CDK14: variants seen among roughly 807,000 people sequenced by gnomAD.
CDK14 encodes cyclin dependent kinase 14, also known as cyclin-dependent kinase 14.
A neutral mutation model predicts 60.7 loss-of-function variants in CDK14; 34 were observed. The ratio of observed to expected loss-of-function variants is 0.56; its 90% CI spans 0.43 to 0.75. The LOEUF is 0.75. Ranked by LOEUF, CDK14 falls within the 30% of genes least tolerant of loss-of-function variation. CDK14 has a pLI of 0.00. For synonymous variants in CDK14, 197 were observed against 203.7 expected (o/e 0.97, Z 0.28); for missense variants, 482 against 564.1 (o/e 0.85, Z 1.47).
rs1158876265 is a variant in CDK14, at chr7:90,710,108, A to G, written c.124-16459A>G. 1.0e-5 allele frequency: 10 copies of G among 976,334 alleles called. No homozygotes were observed. In the East Asian group the frequency reaches 4.6e-4, roughly 44 times the overall value. The allele number at this position is 976,334 out of a possible 1,614,324, so 60.5% of individuals were successfully genotyped here. A position where few individuals can be genotyped will look rare whatever the true frequency, so the allele number is the denominator to read the frequency against. On this transcript the variant is annotated intron_variant, in intron 2 of 14. Coordinates refer to ENST00000380050, the MANE Select transcript of CDK14 (RefSeq NM_001287135.2). The stretch of plus-strand genomic sequence containing the variant: ...TTCCTTCTATTTAACTGCCAGAAAC[A>G]TCACAGATTGATAAAGGGGGTATTT...
At chr7:90,646,163 T>A (rs1164010052) in intron 2 of CDK14, among the ~76,000 whole-genome samples, 3 of 152,198 alleles carry the variant, frequency 2.0e-5, no homozygotes, top group Admixed American at 2.0e-4. Flanking sequence ...ATTTCTTGAT[T>A]CACAAAGCTT....
intron 2 of CDK14, among the ~76,000 whole-genome samples, chr7:90,699,565 G>A (rs976632478): frequency 6.6e-6 from 1 of 152,100 alleles, no homozygotes; most frequent in African/African-American, 2.4e-5. Flanking sequence ...CTGACTTTAT[G>A]TTGAAGTTAG....
At chr7:91,019,798 C>T (rs1490434887) in intron 10 of CDK14, among the ~76,000 whole-genome samples, 2 of 152,134 alleles carry the variant, frequency 1.3e-5, no homozygotes, top group East Asian at 3.8e-4. Flanking sequence ...GGGCTTTCTT[C>T]CCCCAGAATG....
At chr7:90,633,050 T>G (rs537176898) in intron 2 of CDK14, among the ~76,000 whole-genome samples, 1 of 150,806 alleles carries the variant, frequency 6.6e-6, no homozygotes, top group African/African-American at 2.4e-5. Flanking sequence ...AAGCCGAGAC[T>G]GTGCTACTAC....
intron 9 of CDK14, among the ~76,000 whole-genome samples, chr7:90,978,752 A>G (rs556281959): frequency 3.0e-4 from 45 of 152,274 alleles, no homozygotes; most frequent in Admixed American, 2.7e-3. Flanking sequence ...AATATCTTCA[A>G]TCAAGTTTAG....
At chr7:90,895,198 G>A (rs533614017) in intron 6 of CDK14, among the ~76,000 whole-genome samples, 1 of 151,914 alleles carries the variant, frequency 6.6e-6, no homozygotes, top group African/African-American at 2.4e-5. Flanking sequence ...TGTAACTTAT[G>A]TTTTATTTAG....
intron 5 of CDK14, among the ~76,000 whole-genome samples, chr7:90,828,445 C>T (rs1024518747): frequency 1.3e-5 from 2 of 152,212 alleles, no homozygotes; most frequent in Admixed American, 1.3e-4. Context: ...AATCTGCATT[C>T]TTCTGAATCG....
At chr7:91,096,321 A>G (rs2116295262) in intron 12 of CDK14, among the ~76,000 whole-genome samples, 1 of 152,300 alleles carries the variant, frequency 6.6e-6, no homozygotes, top group African/African-American at 2.4e-5. Flanking sequence ...GGCAAAGCCA[A>G]CCAACATGTC....
intron 2 of CDK14, among the ~76,000 whole-genome samples, chr7:90,708,025 T>C (rs780078549): frequency 1.3e-5 from 2 of 152,170 alleles, no homozygotes; most frequent in African/African-American, 2.4e-5. Context: ...ATACAAGATA[T>C]CTTAGTGAAC....
chr7:90,956,731 G>A (rs1039183581), intron 9 of CDK14, among the ~76,000 whole-genome samples: 17 of 151,856 alleles, frequency 1.1e-4, no homozygotes, highest in South Asian at 4.2e-4. Flanking sequence ...TTCATCTAGC[G>A]TTAGGTATAT....
chr7:90,912,004 C>T (rs1399792205), intron 7 of CDK14, among the ~76,000 whole-genome samples: 2 of 152,134 alleles, frequency 1.3e-5, no homozygotes, highest in South Asian at 2.1e-4. Context: ...AAAAATGTCC[C>T]TGTTCATCGT....
chr7:90,642,514 G>T (rs1041830903), intron 2 of CDK14, among the ~76,000 whole-genome samples: 1 of 151,974 alleles, frequency 6.6e-6, no homozygotes, highest in Non-Finnish European at 1.5e-5. Context: ...AAAATGAATA[G>T]ATAGCAAGAG....
At chr7:91,206,281 C>T (rs934226894) in intron 14 of CDK14, among the ~76,000 whole-genome samples, 3 of 152,180 alleles carry the variant, frequency 2.0e-5, no homozygotes, top group African/African-American at 7.2e-5. Context: ...CCAGGGTTCC[C>T]CCTGCATCTG....
At chr7:91,185,312 C>T (rs1396583708) in intron 14 of CDK14, among the ~76,000 whole-genome samples, 1 of 122,168 alleles carries the variant, frequency 8.2e-6, no homozygotes, top group African/African-American at 2.6e-5. Context: ...TCATGCCCTG[C>T]TTGGTCGATA....
chr7:90,945,965 G>T (rs1452589145), intron 8 of CDK14, among the ~76,000 whole-genome samples: 3 of 152,146 alleles, frequency 2.0e-5, no homozygotes, highest in East Asian at 1.9e-4. Context: ...AAACTTTGCA[G>T]CTAGGAGACC....
intron 5 of CDK14, among the ~76,000 whole-genome samples, chr7:90,827,458 A>G (rs1461708629): frequency 2.0e-5 from 3 of 152,210 alleles, no homozygotes; most frequent in Non-Finnish European, 4.4e-5. Context: ...AACTCATTTG[A>G]ATACTTAATT....
intron 5 of CDK14, among the ~76,000 whole-genome samples, chr7:90,791,711 T>C (rs1805837560): frequency 6.6e-6 from 1 of 152,210 alleles, no homozygotes; most frequent in African/African-American, 2.4e-5. Context: ...ACTGTTCTTA[T>C]AAAGTTCATC....
chr7:90,843,825 C>G (rs1790377353), intron 5 of CDK14, among the ~76,000 whole-genome samples: 1 of 152,102 alleles, frequency 6.6e-6, no homozygotes, highest in Admixed American at 6.6e-5. Context: ...AATTCAGATG[C>G]TTTTTATGCT....
intron 8 of CDK14, among the ~76,000 whole-genome samples, chr7:90,941,966 C>A (rs1259249419): frequency 6.6e-6 from 1 of 152,210 alleles, no homozygotes. Flanking sequence ...GCAAAGCTGA[C>A]CCTTTTCTTA....
Sources: allele counts gnomAD v4.1 joint callset (sites outside exome capture counted in the v4.1 genomes callset), GRCh38; gene constraint gnomAD v4.1.1; transcripts MANE v1.5; gene names NCBI Gene and HGNC (gene_info 2026-07-23, HGNC 2026-07-21).